SCMH1: variants seen among roughly 807,000 people sequenced by gnomAD.
The protein encoded by SCMH1 is Scm polycomb group protein homolog 1, also known as polycomb protein SCMH1.
Under a neutral mutation model 70.8 loss-of-function variants are expected in SCMH1, and 37 were observed. That is an observed-to-expected ratio of 0.52 (90% CI 0.40 to 0.69). The LOEUF (loss-of-function observed/expected upper bound fraction) is 0.69, where lower values mean the gene tolerates loss of function less well. SCMH1 is among the 30% of genes least tolerant of loss of function. The pLI is 0.00. For synonymous variants in SCMH1, 292 were observed against 307.4 expected (o/e 0.95, Z 0.52); for missense variants, 607 against 827.3 (o/e 0.73, Z 3.27).
intron 1 of SCMH1, among the ~76,000 whole-genome samples, chr1:41,238,883 C>A (rs1286232558): frequency 1.3e-5 from 2 of 152,152 alleles, no homozygotes; most frequent in Non-Finnish European, 2.9e-5. Flanking sequence ...GAATTGAACT[C>A]ATCATCGTTT....
chr1:41,189,295 G>A (rs1469971857), intron 1 of SCMH1, among the ~76,000 whole-genome samples: 1 of 152,154 alleles, frequency 6.6e-6, no homozygotes, highest in African/African-American at 2.4e-5. Flanking sequence ...GATGAGAGGT[G>A]CCTGTCACCA....
chr1:41,137,376 CTATT>C (rs989135237), intron 6 of SCMH1, among the ~76,000 whole-genome samples: 23 of 152,068 alleles, frequency 1.5e-4, no homozygotes, highest in African/African-American at 5.6e-4. Flanking sequence ...CAACTAAGAG[CTATT>C]TAGATTTTTA....
At chr1:41,065,228 A>G (rs1369389018) in intron 10 of SCMH1, among the ~76,000 whole-genome samples, 2 of 152,046 alleles carry the variant, frequency 1.3e-5, no homozygotes, top group African/African-American at 2.4e-5. Flanking sequence ...CACACCTGTA[A>G]TCCCAGCACT....
chr1:41,219,908 G>A (rs1658895523), intron 1 of SCMH1, among the ~76,000 whole-genome samples: 1 of 150,012 alleles, frequency 6.7e-6, no homozygotes, highest in African/African-American at 2.5e-5. Flanking sequence ...TCCAGCCTGG[G>A]CAACAGAGCA....
chr1:41,200,889 T>C (rs1654199678), intron 1 of SCMH1, among the ~76,000 whole-genome samples: 1 of 152,126 alleles, frequency 6.6e-6, no homozygotes, highest in Admixed American at 6.5e-5. Flanking sequence ...GTCTCACTCA[T>C]ATGGCTTTGC....
chr1:41,082,852 A>G (rs1227608026), intron 8 of SCMH1, among the ~76,000 whole-genome samples: 1 of 152,252 alleles, frequency 6.6e-6, no homozygotes, highest in African/African-American at 2.4e-5. Context: ...TCCAGCATAT[A>G]AACAGAACCA....
chr1:41,076,330 C>G (rs1408076129), intron 8 of SCMH1, among the ~76,000 whole-genome samples: 1 of 152,156 alleles, frequency 6.6e-6, no homozygotes, highest in Non-Finnish European at 1.5e-5. Context: ...ATCTATGTTA[C>G]AGTACTTCTT....
chr1:41,206,859 C>A (rs115361948), intron 1 of SCMH1, among the ~76,000 whole-genome samples: 1 of 152,234 alleles, frequency 6.6e-6, no homozygotes, highest in African/African-American at 2.4e-5. Flanking sequence ...AAACCCTATA[C>A]GCCAGAAGCG....
chr1:41,067,303 G>A (rs1486888774), intron 10 of SCMH1, among the ~76,000 whole-genome samples: 2 of 151,854 alleles, frequency 1.3e-5, no homozygotes, highest in African/African-American at 4.8e-5. Context: ...AATTAGTCGG[G>A]TGTGGTGGCG....
Position 41,242,075 on chromosome 1 carries a change from G to T in SCMH1, c.-134C>A. 6.6e-6 allele frequency: 1 copy of T among 152,138 alleles called. No homozygotes were observed. The highest frequency in any genetic ancestry group is 1.8e-4 in the South Asian group (1 of 5,464). 9.4% of individuals were successfully genotyped at this position (152,138 alleles called of 1,614,324 possible). A position where few individuals can be genotyped will look rare whatever the true frequency, so the allele number is the denominator to read the frequency against. The stretch of plus-strand genomic sequence containing the variant: ...GGCGCTTACCTGAGGGCGCGGCGGG[G>T]GCGCGGGGCGGCTCACTCTCTTCCC... On this transcript the variant is annotated 5_prime_UTR_variant, in exon 1 of 15. Coordinates refer to ENST00000337495, the Ensembl canonical transcript of SCMH1. This position sits in a 1 kb window ranked among gnomAD's most constrained non-coding sequence, Gnocchi z 5.2.
intron 10 of SCMH1, among the ~76,000 whole-genome samples, chr1:41,063,740 A>T (rs146227973): frequency 1.3e-5 from 2 of 152,330 alleles, no homozygotes; most frequent in African/African-American, 4.8e-5. Flanking sequence ...AAATGAACTC[A>T]TTCCTTCAAA....
chr1:41,156,182 C>A (rs901556604), intron 4 of SCMH1, among the ~76,000 whole-genome samples: 1 of 152,114 alleles, frequency 6.6e-6, no homozygotes, highest in Non-Finnish European at 1.5e-5. Flanking sequence ...ATCTCTATGT[C>A]CCAAATCCCT....
intron 10 of SCMH1, among the ~76,000 whole-genome samples, chr1:41,068,993 C>T (rs918393961): frequency 6.6e-6 from 1 of 151,990 alleles, no homozygotes; most frequent in African/African-American, 2.4e-5. Context: ...ATATAATGTA[C>T]TTGGACATAA....
At chr1:41,161,840 T>C (rs1437431196) in intron 2 of SCMH1, among the ~76,000 whole-genome samples, 3 of 152,256 alleles carry the variant, frequency 2.0e-5, no homozygotes, top group Non-Finnish European at 4.4e-5. Flanking sequence ...ACCCCAGTTA[T>C]GGGCTCAACT....
chr1:41,072,403 C>G (rs1317953781), intron 9 of SCMH1, among the ~76,000 whole-genome samples: 1 of 152,170 alleles, frequency 6.6e-6, no homozygotes, highest in Non-Finnish European at 1.5e-5. Flanking sequence ...TATATGTATT[C>G]ATACATTATC....
intron 2 of SCMH1, among the ~76,000 whole-genome samples, chr1:41,171,164 C>T (rs897325395): frequency 1.3e-5 from 2 of 152,208 alleles, no homozygotes; most frequent in Admixed American, 6.5e-5. Context: ...CAACATTGAG[C>T]CCCTGATATG....
At chr1:41,068,459 G>A (rs949159776) in intron 10 of SCMH1, among the ~76,000 whole-genome samples, 2 of 152,156 alleles carry the variant, frequency 1.3e-5, no homozygotes, top group African/African-American at 4.8e-5. Flanking sequence ...AGGCTGGAGT[G>A]CACTGGTACG....
In SCMH1 at chr1:41,202,639, C is replaced by T. The variant is rs140287671; in HGVS notation, c.-117-16389G>A. On this transcript the variant is annotated intron_variant, in intron 1 of 14. Transcript: ENST00000337495. ...CATAACTTTTTGCACCCAGACACTCCTGAAGAATACAAACTCTTATCAGTG... is the reference window on the plus strand; with the variant it reads ...CATAACTTTTTGCACCCAGACACTCTTGAAGAATACAAACTCTTATCAGTG... Among the ~76,000 whole-genome samples the T allele has an allele frequency of 1.6e-3, 245 of 152,192 alleles. 1 individual carries two copies. The highest frequency in any genetic ancestry group is 5.7e-3 in the African/African-American group (235 of 41,516).
chr1:41,157,705 G>T lies in SCMH1; in HGVS notation c.106+3170C>A, dbSNP rs28662291. The stretch of plus-strand genomic sequence containing the variant: ...TTTCCTAAAACTCATGGCTTTCTTG[G>T]TCCCATATCTTTGCCCATGTTACTC... On this transcript the variant is annotated intron_variant, in intron 4 of 14. Coordinates refer to ENST00000337495, the Ensembl canonical transcript of SCMH1. Among the ~76,000 whole-genome samples, 1,017 of 152,262 alleles carry T rather than the reference G, an allele frequency of 6.7e-3. 15 individuals are homozygous for T. The highest frequency in any genetic ancestry group is 0.024 in the African/African-American group (979 of 41,540).
Sources: gnomAD v4.1 joint callset for allele counts (sites outside exome capture counted in the v4.1 genomes callset) on GRCh38, gnomAD v4.1.1 for gene constraint, Gnocchi (gnomAD v3.1) non-coding constraint, MANE v1.5 for transcripts, NCBI Gene and HGNC (gene_info 2026-07-23, HGNC 2026-07-21) for gene names.